LRTM1: variants seen among roughly 807,000 people sequenced by gnomAD.
LRTM1 encodes the protein leucine rich repeat transmembrane protein 1.
Under a neutral mutation model 32.4 loss-of-function variants are expected in LRTM1, and 38 were observed. The ratio of observed to expected loss-of-function variants is 1.17; its 90% CI spans 0.91 to 1.54. The LOEUF is 1.54. Among genes scored for constraint, LRTM1 ranks in the 40% most tolerant of loss-of-function variants. LRTM1 has a pLI of 0.00. For missense variants in LRTM1, 466 were observed against 415.4 expected, an observed-to-expected ratio of 1.12 and a Z score of -1.06; for synonymous variants, 186 against 169.9, an observed-to-expected ratio of 1.09 and a Z score of -0.74.
intron 2 of LRTM1, among the ~76,000 whole-genome samples, chr3:54,923,799 A>C (rs1197120696): frequency 2.0e-5 from 3 of 152,180 alleles, no homozygotes; most frequent in African/African-American, 7.2e-5. Flanking sequence ...CAAGTCACTG[A>C]ACCTCTCTGG....
At position 54,918,527 on chromosome 3, in the gene LRTM1, G is replaced by C. The variant is rs144150699; in HGVS notation, c.970C>G (p.Pro324Ala). The stretch of plus-strand genomic sequence containing the variant: ...CCAGGATCATTGGTTTGAGCCAAGG[G>C]TCCCCCATGGTACTGGGCTGTGATT... The part of the protein sequence containing the change: ...AAITAQYHGG[P>A]LAQTNDPGKV... The change falls in exon 3 of 3, where the codon CCC becomes GCC. Residue 324 changes from proline to alanine, a missense_variant. By Grantham distance (27) the Pro-to-Ala change is conservative. Transcript: ENST00000273286. The C allele has an allele frequency of 5.0e-4, 814 of 1,613,782 alleles. 1 individual carries two copies. Among genetic ancestry groups the C allele is most frequent in the Non-Finnish European group, 6.1e-4 (722 of 1,179,946 alleles).
chr3:54,933,405 C>T (rs1188045524), intron 1 of LRTM1, among the ~76,000 whole-genome samples: 2 of 152,168 alleles, frequency 1.3e-5, no homozygotes, highest in Admixed American at 6.5e-5. Flanking sequence ...AGGCTTCTTC[C>T]ACCTTTTGGC....
chr3:54,952,256 C>T (rs888492083), intron 1 of LRTM1, among the ~76,000 whole-genome samples: 4 of 152,212 alleles, frequency 2.6e-5, no homozygotes, highest in African/African-American at 4.8e-5. Context: ...CACTCTGCAG[C>T]ACCCCTGTGG....
At chr3:54,962,222 T>C (rs1374762159) in intron 1 of LRTM1, among the ~76,000 whole-genome samples, 1 of 152,104 alleles carries the variant, frequency 6.6e-6, no homozygotes, top group African/African-American at 2.4e-5. Flanking sequence ...ATAGCACAGG[T>C]TTTGAATGGT....
At chr3:54,932,420 T>C (rs1249369249), upstream of LRTM1, among the ~76,000 whole-genome samples, 2 of 152,132 alleles carry the variant, frequency 1.3e-5, no homozygotes, top group East Asian at 3.9e-4. Flanking sequence ...GCTGATTACT[T>C]GGAGGGGAGA....
chr3:54,937,314 A>G (rs1332723203), intron 1 of LRTM1, among the ~76,000 whole-genome samples: 3 of 152,210 alleles, frequency 2.0e-5, no homozygotes, highest in African/African-American at 7.2e-5. Context: ...TGGCCACTAC[A>G]GTGTAGAAAG....
At chr3:54,925,660 G>A (rs188902201) in intron 1 of LRTM1, among the ~76,000 whole-genome samples, 1 of 152,336 alleles carries the variant, frequency 6.6e-6, no homozygotes, top group East Asian at 1.9e-4. Flanking sequence ...ACAACTTTCT[G>A]TGATGATAGA....
At chr3:54,931,469 G>A (rs997066169), upstream of LRTM1, among the ~76,000 whole-genome samples, 29 of 152,092 alleles carry the variant, frequency 1.9e-4, no homozygotes, top group African/African-American at 6.5e-4. Context: ...CCTCCCTCCC[G>A]TGGTGAGCAG....
At chr3:54,950,510 T>C (rs72877954) in intron 1 of LRTM1, among the ~76,000 whole-genome samples, 208 of 152,312 alleles carry the variant, frequency 1.4e-3, no homozygotes, top group African/African-American at 4.8e-3. Context: ...ATTAAGATGC[T>C]TTGTGCAAGA....
intron 1 of LRTM1, among the ~76,000 whole-genome samples, chr3:54,934,015 C>T (rs1468501644): frequency 6.6e-6 from 1 of 152,180 alleles, no homozygotes; most frequent in Non-Finnish European, 1.5e-5. Context: ...GGGTGGTCCA[C>T]CTGCCTCGGC....
chr3:54,932,087 T>G (rs1701204206), upstream of LRTM1, among the ~76,000 whole-genome samples: 1 of 151,956 alleles, frequency 6.6e-6, no homozygotes, highest in African/African-American at 2.4e-5. Context: ...GAGGCTGAGG[T>G]AGGAGGATCA....
chr3:54,966,380 C>T (rs1702150663), intron 1 of LRTM1, among the ~76,000 whole-genome samples: 1 of 152,208 alleles, frequency 6.6e-6, no homozygotes, highest in African/African-American at 2.4e-5. Flanking sequence ...CAGGCATTCT[C>T]TGAAATGTTC....
intron 1 of LRTM1, among the ~76,000 whole-genome samples, chr3:54,965,019 A>T (rs1702116929): frequency 6.6e-6 from 1 of 152,116 alleles, no homozygotes; most frequent in Admixed American, 6.5e-5. Context: ...CTTCGATACT[A>T]AAGACCTTCA....
intron 1 of LRTM1, among the ~76,000 whole-genome samples, chr3:54,945,968 G>C (rs568734688): frequency 2.0e-4 from 31 of 152,330 alleles, no homozygotes; most frequent in African/African-American, 7.5e-4. Context: ...CTCTTCACAA[G>C]AGTTCTTTGC....
At chr3:54,947,996 G>C (rs17054592) in intron 1 of LRTM1, among the ~76,000 whole-genome samples, 23,355 of 152,206 alleles carry the variant, frequency 0.15, 1,965 homozygotes, top group African/African-American at 0.22. Context: ...TGGAACCACA[G>C]ATGGGGGAGA....
At chr3:54,921,870 A>G (rs1249031001) in intron 2 of LRTM1, among the ~76,000 whole-genome samples, 2 of 152,236 alleles carry the variant, frequency 1.3e-5, no homozygotes, top group Non-Finnish European at 2.9e-5. Context: ...TATGTCGGTT[A>G]GCCTGCCCTA....
At chr3:54,952,829 GTGCTC>G (rs1251833226) in intron 1 of LRTM1, among the ~76,000 whole-genome samples, 1 of 152,086 alleles carries the variant, frequency 6.6e-6, no homozygotes, top group Non-Finnish European at 1.5e-5. Context: ...AGGATTCCAC[GTGCTC>G]TTTGGATGTT....
Position 54,918,335 on chromosome 3 carries a change from T to TC in LRTM1, c.*123_*124insG. ...TACAGACACATCTTTTTTTTTTCTT[T>TC]TTTTTTTTTTTTTTTTTTTTGTCTT... is the stretch of plus-strand genomic sequence containing the variant. On this transcript the variant is annotated 3_prime_UTR_variant, in exon 3 of 3. Coordinates refer to ENST00000273286, the MANE Select transcript of LRTM1 (RefSeq NM_020678.4). 3 of 125,068 alleles carry TC rather than the reference T, an allele frequency of 2.4e-5. No homozygotes were observed. The highest frequency in any genetic ancestry group is 2.5e-5 in the Non-Finnish European group (2 of 78,548). 7.7% of individuals were successfully genotyped at this position (125,068 alleles called of 1,614,324 possible).
chr3:54,923,636 T>A (rs1055615524), intron 2 of LRTM1, among the ~76,000 whole-genome samples: 1 of 152,204 alleles, frequency 6.6e-6, no homozygotes, highest in African/African-American at 2.4e-5. Context: ...TCTCAGTGCC[T>A]GGCATACAAA....
Sources: allele counts gnomAD v4.1 joint callset (sites outside exome capture counted in the v4.1 genomes callset), GRCh38; gene constraint gnomAD v4.1.1; transcripts MANE v1.5; gene names NCBI Gene and HGNC (gene_info 2026-07-23, HGNC 2026-07-21).